Variants in SMARCA4 observed in about 807,000 individuals in gnomAD.
SMARCA4 encodes the protein SWI/SNF related BAF chromatin remodeling complex subunit ATPase 4.
A neutral mutation model predicts 193.9 loss-of-function variants in SMARCA4; 31 were observed. The ratio of observed to expected loss-of-function variants is 0.16; its 90% CI spans 0.12 to 0.22. The LOEUF (loss-of-function observed/expected upper bound fraction) is 0.22, where lower values mean the gene tolerates loss of function less well. Ranked by LOEUF, SMARCA4 falls within the 10% of genes least tolerant of loss-of-function variation. The probability of loss-of-function intolerance (pLI) is 1.00; values close to 1 mark genes in which losing one functional copy is unlikely to be tolerated. For missense variants in SMARCA4, 1,148 were observed against 2,296.0 expected (o/e 0.50, Z 10.22); for synonymous variants, 942 against 933.1 (o/e 1.01, Z -0.17).
rs541118271 is a variant in SMARCA4, at chr19:11,059,711, C to T, written c.4636-42C>T. The T allele has an allele frequency of 9.0e-6, 14 of 1,550,086 alleles. No homozygotes were observed. In the Admixed American group the frequency reaches 2.0e-4, roughly 22 times the overall value. On this transcript the variant is annotated intron_variant, in intron 32 of 34. Transcript: ENST00000344626. Reference sequence around the variant, plus strand: ...GGCCAGGGCCGGGCAGGCAGCCCTCCAGTCGGGCCCATCCACTCAAGCCCC... The same window carrying T: ...GGCCAGGGCCGGGCAGGCAGCCCTCTAGTCGGGCCCATCCACTCAAGCCCC...
chr19:10,968,147 G>A lies in SMARCA4; in HGVS notation c.-32+6973G>A, dbSNP rs368063045. 5.9e-5 allele frequency among the ~76,000 whole-genome samples: 9 copies of A among 152,222 alleles called. No individual in the cohort carries two copies. In the South Asian group the frequency reaches 8.3e-4, roughly 14 times the overall value. On this transcript the variant is annotated intron_variant, in intron 1 of 34. Transcript: ENST00000344626. ...ATTACAGGCGTGAGCCACTGCGCCC[G>A]GCCAGTAATTTTGTATTTTTAGTAG...
chr19:11,019,544 G>T lies in SMARCA4; in HGVS notation c.2506-47G>T, dbSNP rs760993695. On this transcript the variant is annotated intron_variant, in intron 17 of 34. Transcript: ENST00000344626. This position sits in a 1 kb window ranked among gnomAD's most constrained non-coding sequence, Gnocchi z 6.1. ...GTGCCTGTGCCCCTCTTGCCACCTG[G>T]CCACCCGGCTCCAAAAGCCGAGCTG... 9 of 1,330,166 alleles carry T rather than the reference G, an allele frequency of 6.8e-6. No homozygotes were observed. In the South Asian group the frequency reaches 1.1e-4, roughly 16 times the overall value. 82.4% of individuals were successfully genotyped at this position (1,330,166 alleles called of 1,614,324 possible). A position where few individuals can be genotyped will look rare whatever the true frequency, so the allele number is the denominator to read the frequency against.
intron 30 of SMARCA4, among the ~76,000 whole-genome samples, chr19:11,047,412 T>TG (rs1491363633): frequency 6.7e-5 from 3 of 44,494 alleles, no homozygotes; most frequent in Admixed American, 3.2e-4. Flanking sequence ...GTCCAGAGGT[T>TG]TTTTTTTTTT....
In SMARCA4 at chr19:10,986,867, G is replaced by A. The variant is rs745732382; in HGVS notation, c.761-38G>A. On this transcript the variant is annotated intron_variant, in intron 4 of 34. Coordinates refer to ENST00000344626, the MANE Select transcript of SMARCA4 (RefSeq NM_003072.5). The surrounding 1 kb of genome is among the most constrained non-coding windows in gnomAD (Gnocchi z 6.7). ...GGGCTGGGCGCAGGCATAAACCTGG[G>A]ACGCACTGTTTTCTCTTTTGTTTCT... 2.0e-6 allele frequency: 3 copies of A among 1,538,380 alleles called. No homozygotes were observed. Among genetic ancestry groups the A allele is most frequent in the Non-Finnish European group, 2.7e-6 (3 of 1,111,684 alleles).
At chr19:10,980,165 C>T (rs75864794) in intron 1 of SMARCA4, among the ~76,000 whole-genome samples, 6,153 of 152,182 alleles carry the variant, frequency 0.04, 170 homozygotes, top group African/African-American at 0.06. Context: ...TCACTCTGCA[C>T]GTGTCTGAGC....
chr19:10,967,291 TTTTTA>T (rs769814290), intron 1 of SMARCA4, among the ~76,000 whole-genome samples: 8 of 150,388 alleles, frequency 5.3e-5, no homozygotes, highest in Admixed American at 2.0e-4. Context: ...GGCTTTCTTG[TTTTTA>T]TTTTATTTTA....
At chr19:10,995,051 C>T (rs2145945421) in intron 9 of SMARCA4, 50 bp downstream of exon 9, 2 of 1,525,536 alleles carry the variant, frequency 1.3e-6, no homozygotes, top group Non-Finnish European at 8.9e-7. Flanking sequence ...GTAGCTGGTA[C>T]TGCGGGCTCC....
At position 10,997,847 on chromosome 19, in the gene SMARCA4, A is replaced by G. The variant is rs531391085; in HGVS notation, c.1812+1303A>G. Among the ~76,000 whole-genome samples, 4 of 152,252 alleles carry G rather than the reference A, an allele frequency of 2.6e-5. No homozygotes were observed. In the East Asian group the frequency reaches 7.7e-4, roughly 29 times the overall value. The stretch of plus-strand genomic sequence containing the variant: ...CTTACCTCCATGTAATTCATTATCT[A>G]CTTCATAAAGACAAGGTTGTTTCTG... On this transcript the variant is annotated intron_variant, in intron 11 of 34. Transcript: ENST00000344626.
At chr19:11,012,193 G>T (rs2088915739) in intron 15 of SMARCA4, among the ~76,000 whole-genome samples, 1 of 152,104 alleles carries the variant, frequency 6.6e-6, no homozygotes. Context: ...CCAACATGAT[G>T]AGACCCTGTC....
At chr19:11,048,140 G>C (rs1339654275) in intron 30 of SMARCA4, among the ~76,000 whole-genome samples, 2 of 152,238 alleles carry the variant, frequency 1.3e-5, no homozygotes, top group East Asian at 3.9e-4. Flanking sequence ...AATAAAGTCA[G>C]ACACAGCTAA....
intron 16 of SMARCA4, among the ~76,000 whole-genome samples, chr19:11,017,647 C>T (rs1290323200): frequency 6.6e-6 from 1 of 152,236 alleles, no homozygotes; most frequent in Non-Finnish European, 1.5e-5. Context: ...CTTCTCCCTC[C>T]CAGTGCAGAT....
chr19:11,059,325 TACAC>T, intron 32 of SMARCA4: 1 of 319,850 alleles, frequency 3.1e-6, no homozygotes, highest in South Asian at 3.0e-5. Flanking sequence ...AATTGACACA[TACAC>T]AGCCTCAACT....
At chr19:11,017,749 G>A (rs180802811) in intron 16 of SMARCA4, among the ~76,000 whole-genome samples, 11 of 152,364 alleles carry the variant, frequency 7.2e-5, no homozygotes, top group Admixed American at 4.6e-4. Flanking sequence ...GGAAGCACAG[G>A]GTCAGGCCCT....
At chr19:11,008,270 C>T in intron 14 of SMARCA4, 1 of 442,772 alleles carries the variant, frequency 2.3e-6, no homozygotes, top group South Asian at 1.9e-5. Context: ...GGGAGAAGCC[C>T]TCCTCACCCC....
chr19:11,039,017 T>C (rs1404868854), intron 29 of SMARCA4, among the ~76,000 whole-genome samples: 2 of 151,962 alleles, frequency 1.3e-5, no homozygotes, highest in Admixed American at 6.6e-5. Flanking sequence ...GCTCAGGAGT[T>C]TGAGACCAGT....
intron 6 of SMARCA4, among the ~76,000 whole-genome samples, chr19:10,988,540 C>G (rs916910736): frequency 1.3e-5 from 2 of 152,182 alleles, no homozygotes; most frequent in African/African-American, 4.8e-5. Flanking sequence ...ATCCCAGTCT[C>G]TCTGTTCCTC....
Position 10,987,002 on chromosome 19 carries a change from AG to A in SMARCA4, c.859+1del. On this transcript the variant is annotated frameshift_variant and splice_region_variant, in exon 5 of 35. Coordinates refer to ENST00000344626, the MANE Select transcript of SMARCA4 (RefSeq NM_003072.5). LOFTEE classifies it high-confidence loss of function. The surrounding 1 kb of genome is among the most constrained non-coding windows in gnomAD (Gnocchi z 5.3). ...GAGGGCCTCCCAAGCCCTGGCCTGA[AG>A]GTGAGCTCCCTCTTCTATGGTGGTG... ...PGGPPKPWPE[G>X]PMANAAAPTS... The A allele has an allele frequency of 1.9e-6, 3 of 1,601,676 alleles. No homozygotes were observed. The highest frequency in any genetic ancestry group is 2.5e-6 in the Non-Finnish European group (3 of 1,177,506).
intron 34 of SMARCA4, among the ~76,000 whole-genome samples, chr19:11,061,198 AAAAAAAATATATATAT>A (rs1315525421): frequency 1.3e-5 from 1 of 76,264 alleles, no homozygotes; most frequent in Non-Finnish European, 2.6e-5. Flanking sequence ...TAAAAAAAAA[AAAAAAAATATATATAT>A]ATATATATAT....
intron 16 of SMARCA4, among the ~76,000 whole-genome samples, chr19:11,015,049 A>C (rs1255117917): frequency 6.6e-6 from 1 of 152,042 alleles, no homozygotes; most frequent in Non-Finnish European, 1.5e-5. Context: ...TCCTGACCCC[A>C]TGATCTGCCC....
Sources: gnomAD v4.1 joint callset for allele counts (sites outside exome capture counted in the v4.1 genomes callset) on GRCh38, gnomAD v4.1.1 for gene constraint, Gnocchi (gnomAD v3.1) non-coding constraint, MANE v1.5 for transcripts, NCBI Gene and HGNC (gene_info 2026-07-23, HGNC 2026-07-21) for gene names.